Variants in CAMK1D observed in about 807,000 individuals in gnomAD.
The protein encoded by CAMK1D is calcium/calmodulin-dependent protein kinase type 1D.
In CAMK1D, 9 loss-of-function variants were observed where a neutral mutation model predicts 47.7. The observed-to-expected ratio is 0.19, with a 90% CI of 0.11 to 0.33. CAMK1D has a LOEUF of 0.33. CAMK1D is among the 10% of genes least tolerant of loss of function. CAMK1D has a pLI of 1.00. For missense variants in CAMK1D, 291 were observed against 488.7 expected (o/e 0.60, Z 3.81); for synonymous variants, 184 against 184.9 (o/e 0.99, Z 0.04).
At chr10:12,583,132 A>T (rs1837712233) in intron 2 of CAMK1D, among the ~76,000 whole-genome samples, 1 of 152,144 alleles carries the variant, frequency 6.6e-6, no homozygotes, top group Admixed American at 6.5e-5. Context: ...ACAATTTTTT[A>T]TCAGGGGAAG....
intron 3 of CAMK1D, among the ~76,000 whole-genome samples, chr10:12,709,757 A>G (rs1337171510): frequency 6.6e-6 from 1 of 152,182 alleles, no homozygotes; most frequent in East Asian, 1.9e-4. Flanking sequence ...ATTCAAATTT[A>G]TGATTTAATC....
intron 2 of CAMK1D, among the ~76,000 whole-genome samples, chr10:12,588,852 A>G (rs539812235): frequency 3.9e-5 from 5 of 129,460 alleles, no homozygotes; most frequent in Admixed American, 8.0e-5. Context: ...GTATATATAC[A>G]TGTATATGTA....
At chr10:12,444,580 T>C (rs1166042061) in intron 1 of CAMK1D, among the ~76,000 whole-genome samples, 1 of 152,156 alleles carries the variant, frequency 6.6e-6, no homozygotes, top group Non-Finnish European at 1.5e-5. Flanking sequence ...TCAGTCAATA[T>C]CGTATTTAAG....
intron 2 of CAMK1D, among the ~76,000 whole-genome samples, chr10:12,649,922 G>A (rs1376659720): frequency 2.0e-5 from 3 of 152,180 alleles, no homozygotes; most frequent in Non-Finnish European, 2.9e-5. Flanking sequence ...GAGTGGGAGC[G>A]AGAGGGTCAG....
chr10:12,380,082 G>A lies in CAMK1D; in HGVS notation c.92+30172G>A, dbSNP rs139683551. Among the ~76,000 whole-genome samples the A allele has an allele frequency of 9.3e-3, 1,410 of 152,112 alleles. 19 individuals carry two copies. The highest frequency in any genetic ancestry group is 0.032 in the African/African-American group (1,314 of 41,474). On this transcript the variant is annotated intron_variant, in intron 1 of 10. Coordinates refer to ENST00000619168, the MANE Select transcript of CAMK1D (RefSeq NM_153498.4). ...GCAAAAAAATTAGCCGGGCGTGGTG[G>A]CGGGTGACTGTAGTCCCTGCTACTC...
rs185753476 is a variant in CAMK1D at position 12,444,029 on chromosome 10, G to A, written c.92+94119G>A. ...AGACCATATAGGGTAACTTCCTGTC[G>A]TTACCATGGCATTTGTAATCTGTCA... On this transcript the variant is annotated intron_variant, in intron 1 of 10. Coordinates refer to ENST00000619168, the MANE Select transcript of CAMK1D (RefSeq NM_153498.4). Among the ~76,000 whole-genome samples, 366 of 152,232 alleles carry A rather than the reference G, an allele frequency of 2.4e-3. 3 individuals carry two copies. Among genetic ancestry groups the A allele is most frequent in the Non-Finnish European group, 3.8e-3 (261 of 68,020 alleles).
At chr10:12,531,666 G>C (rs976599235) in intron 1 of CAMK1D, among the ~76,000 whole-genome samples, 1 of 152,196 alleles carries the variant, frequency 6.6e-6, no homozygotes, top group Non-Finnish European at 1.5e-5. Context: ...GGCCTAACTT[G>C]CGTGCTCCAA....
At chr10:12,425,176 T>A (rs767466570) in intron 1 of CAMK1D, among the ~76,000 whole-genome samples, 5 of 152,270 alleles carry the variant, frequency 3.3e-5, no homozygotes, top group Non-Finnish European at 7.4e-5. Context: ...AGCTGGCTCC[T>A]GGGCACCCTC....
intron 1 of CAMK1D, among the ~76,000 whole-genome samples, chr10:12,359,866 G>A (rs1837610704): frequency 6.6e-6 from 1 of 152,146 alleles, no homozygotes; most frequent in African/African-American, 2.4e-5. Flanking sequence ...TACCCCATAA[G>A]CATATGTAAC....
chr10:12,387,389 A>AT (rs1219586367), intron 1 of CAMK1D, among the ~76,000 whole-genome samples: 63 of 31,696 alleles, frequency 2.0e-3, no homozygotes, highest in African/African-American at 3.3e-3. Flanking sequence ...TATTATATAT[A>AT]TTATATATTT....
chr10:12,611,884 C>T (rs1282830119), intron 2 of CAMK1D, among the ~76,000 whole-genome samples: 1 of 152,128 alleles, frequency 6.6e-6, no homozygotes, highest in Non-Finnish European at 1.5e-5. Context: ...TGAGCCACCG[C>T]GCCCAGCCCA....
chr10:12,376,204 A>T (rs1023927529), intron 1 of CAMK1D, among the ~76,000 whole-genome samples: 4 of 149,322 alleles, frequency 2.7e-5, no homozygotes, highest in African/African-American at 4.9e-5. Context: ...AAAGAATAAG[A>T]TGTCTATGGC....
At chr10:12,398,413 G>C (rs1183515827) in intron 1 of CAMK1D, among the ~76,000 whole-genome samples, 2 of 152,056 alleles carry the variant, frequency 1.3e-5, no homozygotes, top group Non-Finnish European at 2.9e-5. Flanking sequence ...CAGTGGTGCG[G>C]TCTCAGCTCA....
intron 1 of CAMK1D, among the ~76,000 whole-genome samples, chr10:12,460,372 T>G (rs1445115919): frequency 2.0e-5 from 3 of 152,016 alleles, no homozygotes; most frequent in Non-Finnish European, 4.4e-5. Flanking sequence ...GCGATCCTCC[T>G]GCCTCAGTCT....
At chr10:12,474,086 G>C (rs768186700) in intron 1 of CAMK1D, among the ~76,000 whole-genome samples, 3 of 152,110 alleles carry the variant, frequency 2.0e-5, no homozygotes, top group Non-Finnish European at 4.4e-5. Context: ...TGGGAGGCTG[G>C]TGGTTCCACC....
At chr10:12,735,607 C>T (rs1835153540) in intron 3 of CAMK1D, among the ~76,000 whole-genome samples, 1 of 152,198 alleles carries the variant, frequency 6.6e-6, no homozygotes, top group Admixed American at 6.5e-5. Flanking sequence ...AAACCTGGCT[C>T]TCCAAAAGGA....
chr10:12,490,386 T>C (rs911063442), intron 1 of CAMK1D, among the ~76,000 whole-genome samples: 1 of 152,130 alleles, frequency 6.6e-6, no homozygotes, highest in African/African-American at 2.4e-5. Flanking sequence ...ACTGGGGGAC[T>C]GGCTCCCCAG....
intron 6 of CAMK1D, among the ~76,000 whole-genome samples, chr10:12,802,639 G>A (rs1305377289): frequency 6.6e-6 from 1 of 152,116 alleles, no homozygotes; most frequent in East Asian, 1.9e-4. Context: ...TCCTGCCTCA[G>A]CCTCCCGAGT....
intron 1 of CAMK1D, among the ~76,000 whole-genome samples, chr10:12,379,029 C>A (rs1468664490): frequency 6.6e-6 from 1 of 152,052 alleles, no homozygotes; most frequent in African/African-American, 2.4e-5. Flanking sequence ...AGGCTGGTCT[C>A]AAACTCCTGA....
Sources: allele counts gnomAD v4.1 joint callset (sites outside exome capture counted in the v4.1 genomes callset), GRCh38; gene constraint gnomAD v4.1.1; transcripts MANE v1.5; gene names NCBI Gene and HGNC (gene_info 2026-07-23, HGNC 2026-07-21).